ZNF507: variants seen among roughly 807,000 people sequenced by gnomAD.
The protein encoded by ZNF507 is zinc finger protein 507.
In ZNF507, 29 loss-of-function variants were observed where a neutral mutation model predicts 80.0. That is an observed-to-expected ratio of 0.36 (90% CI 0.27 to 0.49). The LOEUF (loss-of-function observed/expected upper bound fraction) is 0.49, where lower values mean the gene tolerates loss of function less well. ZNF507 is among the 20% of genes least tolerant of loss of function. ZNF507 has a pLI of 0.98. For missense variants in ZNF507, 1,081 were observed against 1,152.2 expected, an observed-to-expected ratio of 0.94 and a Z score of 0.90; for synonymous variants, 462 against 422.5, an observed-to-expected ratio of 1.09 and a Z score of -1.15.
intron 5 of ZNF507, among the ~76,000 whole-genome samples, chr19:32,374,901 G>T (rs547449451): frequency 6.0e-4 from 92 of 152,216 alleles, no homozygotes; most frequent in African/African-American, 2.2e-3. Context: ...AATGCTTCTG[G>T]TGTTTCCTAA....
At chr19:32,346,108 G>T (rs1967094337) in intron 1 of ZNF507, among the ~76,000 whole-genome samples, 1 of 152,198 alleles carries the variant, frequency 6.6e-6, no homozygotes, top group Admixed American at 6.5e-5. Flanking sequence ...TAGGCCAGCC[G>T]GGATGGACCC....
intron 2 of ZNF507, among the ~76,000 whole-genome samples, chr19:32,347,656 AATTTGAAT>A (rs1967113648): frequency 1.3e-5 from 2 of 152,078 alleles, no homozygotes. Flanking sequence ...AAATACACAA[AATTTGAAT>A]ATTACACAAA....
At chr19:32,352,071 GAA>G in intron 2 of ZNF507, among the ~76,000 whole-genome samples, 1 of 136,256 alleles carries the variant, frequency 7.3e-6, no homozygotes, top group Non-Finnish European at 1.6e-5. Flanking sequence ...CCCTTTCAGG[GAA>G]AAAAAAAAAA....
intron 2 of ZNF507, among the ~76,000 whole-genome samples, chr19:32,352,307 AAAAC>A (rs1466633616): frequency 6.6e-6 from 1 of 152,184 alleles, no homozygotes; most frequent in Non-Finnish European, 1.5e-5. Flanking sequence ...GGGGAGAAAA[AAAAC>A]AAATTTGTGA....
rs1440725852 is a variant in ZNF507, at chr19:32,385,804, G to T, written c.*2721G>T. 1 of 152,022 alleles carries T rather than the reference G, an allele frequency of 6.6e-6. No individual in the cohort carries two copies. The highest frequency in any genetic ancestry group is 1.5e-5 in the Non-Finnish European group (1 of 68,034). The allele number at this position is 152,022 out of a possible 1,614,324, so 9.4% of individuals were successfully genotyped here. A position where few individuals can be genotyped will look rare whatever the true frequency, so the allele number is the denominator to read the frequency against. On this transcript the variant is annotated 3_prime_UTR_variant, in exon 7 of 7. Coordinates refer to ENST00000355898, the MANE Select transcript of ZNF507 (RefSeq NM_001136156.2). ...GCACTCCAACCGGGGTGACAGATGA[G>T]GTCCTCTGTTTACCTCCCCCCCCAA...
rs1484308864 is a variant in ZNF507, at chr19:32,387,111, C to A, written c.*4028C>A. The A allele has an allele frequency of 6.6e-6, 1 of 152,152 alleles. No homozygotes were observed. Among genetic ancestry groups the A allele is most frequent in the African/African-American group, 2.4e-5 (1 of 41,434 alleles). 9.4% of individuals were successfully genotyped at this position (152,152 alleles called of 1,614,324 possible). A position where few individuals can be genotyped will look rare whatever the true frequency, so the allele number is the denominator to read the frequency against. ...AAGCTTTTTTCCTTGCTACCCAGTTCAGTTTCTCTTCCAAATGTGACACGC... is the reference window on the plus strand; with the variant it reads ...AAGCTTTTTTCCTTGCTACCCAGTTAAGTTTCTCTTCCAAATGTGACACGC... On this transcript the variant is annotated 3_prime_UTR_variant, in exon 7 of 7. Coordinates refer to ENST00000355898, the MANE Select transcript of ZNF507 (RefSeq NM_001136156.2).
rs1337476900 is a variant in ZNF507 at position 32,354,442 on chromosome 19, G to A, written c.1612G>A (p.Ala538Thr). Residue 538 changes from alanine to threonine, a missense_variant, in exon 3 of 7, where the codon GCA (alanine) becomes ACA (threonine). Around this residue, in one of 6 missense-constraint regions of ZNF507, gnomAD observed 614 missense variants for 583.9 expected, o/e 1.05. Coordinates refer to ENST00000355898, the MANE Select transcript of ZNF507 (RefSeq NM_001136156.2). ...TCAAAGGCAAGTAGATAGTACATTGGCAGCGTACTCAAAAATGATGTCGCC... is the reference window on the plus strand; with the variant it reads ...TCAAAGGCAAGTAGATAGTACATTGACAGCGTACTCAAAAATGATGTCGCC... ...TSQRQVDSTL[A>T]AYSKMMSPLK... 8 of 1,613,986 alleles carry A rather than the reference G, an allele frequency of 5.0e-6. No individual in the cohort carries two copies. The highest frequency in any genetic ancestry group is 6.8e-6 in the Non-Finnish European group (8 of 1,180,046).
chr19:32,346,474 A>C (rs928703522), intron 1 of ZNF507, among the ~76,000 whole-genome samples: 1 of 152,200 alleles, frequency 6.6e-6, no homozygotes, highest in East Asian at 1.9e-4. Context: ...CTTCTCAGGC[A>C]ATTACTGGAT....
Position 32,382,798 on chromosome 19 carries a change from T to A in ZNF507, c.2577T>A (p.Asn859Lys). The change falls in exon 7 of 7, where the codon AAT becomes AAA. Residue 859 changes from asparagine (N) to lysine (K), a missense_variant. Asn to Lys is a moderately conservative substitution (Grantham distance 94). Around this residue, in one of 6 missense-constraint regions of ZNF507, gnomAD observed 138 missense variants for 158.4 expected, o/e 0.87. Transcript: ENST00000355898. ...ATCCCGTCACTGGAAGTTCAGAAAA[T>A]GCAGTGTCATCTTCAGAACTGATGT... ...SADPVTGSSE[N>K]AVSSSELMSQ... is the part of the protein sequence containing the mutation. 6.2e-7 allele frequency: 1 copy of A among 1,613,978 alleles called. No homozygotes were observed. Among genetic ancestry groups the A allele is most frequent in the Non-Finnish European group, 8.5e-7 (1 of 1,179,978 alleles).
chr19:32,368,373 G>C lies in ZNF507; in HGVS notation c.2360+7755G>C, dbSNP rs184196477. 3.0e-3 allele frequency among the ~76,000 whole-genome samples: 462 copies of C among 152,294 alleles called. 5 individuals are homozygous for C. The highest frequency in any genetic ancestry group is 6.8e-3 in the Middle Eastern group (2 of 294). On this transcript the variant is annotated intron_variant, in intron 5 of 6. Transcript: ENST00000355898. ...TAGGCTGGTGGCTGTGCTGGCTGTT[G>C]GTTGGGCATCAGCTGGAACACATAC...
chr19:32,350,665 G>T (rs1322050260), intron 2 of ZNF507, among the ~76,000 whole-genome samples: 1 of 152,138 alleles, frequency 6.6e-6, no homozygotes, highest in African/African-American at 2.4e-5. Flanking sequence ...GGTGTGCAAA[G>T]TCTCTTGAGC....
rs1299879597 is a variant in ZNF507, at chr19:32,353,847, A to T, written c.1017A>T (p.Glu339Asp). Residue 339 changes from glutamate (E) to aspartate (D), a missense_variant, in exon 3 of 7, where the codon GAA (glutamate) becomes GAT (aspartate). Glu to Asp is a conservative substitution (Grantham distance 45). Coordinates refer to ENST00000355898, the MANE Select transcript of ZNF507 (RefSeq NM_001136156.2). Reference protein sequence around the residue: ...SEQLSSSSPLEQSAERGVHLS... With the variant: ...SEQLSSSSPLDQSAERGVHLS... ...AGTTATCATCTTCATCTCCTTTAGAACAGAGTGCAGAAAGAGGAGTACACC... is the reference window on the plus strand; with the variant it reads ...AGTTATCATCTTCATCTCCTTTAGATCAGAGTGCAGAAAGAGGAGTACACC... The T allele has an allele frequency of 6.2e-7, 1 of 1,614,188 alleles. No individual in the cohort carries two copies. The highest frequency in any genetic ancestry group is 8.5e-7 in the Non-Finnish European group (1 of 1,180,030).
chr19:32,347,867 A>G (rs911094211), intron 2 of ZNF507, among the ~76,000 whole-genome samples: 14 of 152,188 alleles, frequency 9.2e-5, no homozygotes, highest in African/African-American at 2.2e-4. Flanking sequence ...CTCTCAGGCT[A>G]TGTGCCAACT....
rs1467615967 is a variant in ZNF507, at chr19:32,353,093, T to C, written c.263T>C (p.Ile88Thr). ...HSLETQELCE[I>T]PAKVIQSPAA... ...CTTGAAACCCAAGAACTTTGTGAGA[T>C]TCCGGCTAAAGTAATCCAGTCACCT... Residue 88 changes from isoleucine to threonine, a missense_variant, in exon 3 of 7, where the codon ATT becomes ACT. Physicochemically the swap from Ile to Thr is moderately conservative, Grantham distance 89. This residue lies in a region of ZNF507 where 275 missense variants were observed against 303.9 expected (regional missense o/e 0.90). Transcript: ENST00000355898. 2 of 1,614,218 alleles carry C rather than the reference T, an allele frequency of 1.2e-6. No individual in the cohort carries two copies. The highest frequency in any genetic ancestry group is 1.7e-6 in the Non-Finnish European group (2 of 1,180,044).
At chr19:32,372,783 A>G (rs1399642775) in intron 5 of ZNF507, among the ~76,000 whole-genome samples, 1 of 151,978 alleles carries the variant, frequency 6.6e-6, no homozygotes, top group Non-Finnish European at 1.5e-5. Context: ...GAAACCTCCC[A>G]CTAGGCCCTG....
At chr19:32,346,020 A>G (rs1967092393) in intron 1 of ZNF507, among the ~76,000 whole-genome samples, 1 of 152,084 alleles carries the variant, frequency 6.6e-6, no homozygotes, top group Non-Finnish European at 1.5e-5. Context: ...CTCCCTGCAT[A>G]CTGTCACCAG....
chr19:32,361,529 C>T (rs1967322391), intron 5 of ZNF507, among the ~76,000 whole-genome samples: 1 of 152,154 alleles, frequency 6.6e-6, no homozygotes, highest in South Asian at 2.1e-4. Flanking sequence ...ATTTGCAAAC[C>T]AGCAGACTTA....
At chr19:32,372,221 T>C (rs914494993) in intron 5 of ZNF507, among the ~76,000 whole-genome samples, 1 of 151,962 alleles carries the variant, frequency 6.6e-6, no homozygotes, top group Non-Finnish European at 1.5e-5. Context: ...CTACTTTTGC[T>C]TCAGATCTAC....
At chr19:32,380,334 CA>C (rs1017852229) in intron 5 of ZNF507, among the ~76,000 whole-genome samples, 6 of 151,588 alleles carry the variant, frequency 4.0e-5, no homozygotes, top group African/African-American at 1.5e-4. Flanking sequence ...CAAGCCTGGG[CA>C]ACAGAGCAAG....
Sources: allele counts gnomAD v4.1 joint callset (sites outside exome capture counted in the v4.1 genomes callset), GRCh38; gene constraint gnomAD v4.1.1; regional missense constraint gnomAD v4.1.1; transcripts MANE v1.5; gene names NCBI Gene and HGNC (gene_info 2026-07-23, HGNC 2026-07-21).